Variants in PIEZO2 observed in about 807,000 individuals in gnomAD.
PIEZO2 encodes piezo-type mechanosensitive ion channel component 2.
PIEZO2 carries 172 observed loss-of-function variants against 337.3 expected under a neutral mutation model. The observed-to-expected ratio is 0.51, with a 90% confidence interval of 0.45 to 0.58. The LOEUF (loss-of-function observed/expected upper bound fraction) is 0.58, where lower values mean the gene tolerates loss of function less well. Ranked by LOEUF, PIEZO2 falls within the 20% of genes least tolerant of loss-of-function variation. The pLI, the probability that PIEZO2 is intolerant of heterozygous loss-of-function variation, is 0.00. For synonymous variants in PIEZO2, 1,251 were observed against 1,228.5 expected (o/e 1.02, Z -0.38); for missense variants, 3,028 against 3,391.3 (o/e 0.89, Z 2.66).
At position 10,705,476 on chromosome 18, in the gene PIEZO2, C is replaced by G; in HGVS notation, c.5859G>C (p.Leu1953=). 6.5e-7 allele frequency: 1 copy of G among 1,537,276 alleles called. No individual in the cohort carries two copies. The highest frequency in any genetic ancestry group is 8.7e-7 in the Non-Finnish European group (1 of 1,146,922). The part of the protein sequence containing the change: ...SYSKAVSFEH[L]SFGSQDDSAG... ...CAGAGTCGTCCTGCGAGCCGAAGGA[C>G]AGATGCTCGAAGCTCACAGCCTTGC... is the stretch of plus-strand genomic sequence containing the variant. The change falls in exon 41 of 56, where the codon CTG becomes CTC. Residue 1953 remains leucine, a synonymous_variant. Coordinates refer to ENST00000674853, the MANE Select transcript of PIEZO2 (RefSeq NM_001378183.1).
intron 2 of PIEZO2, among the ~76,000 whole-genome samples, chr18:10,983,876 G>T (rs2034767669): frequency 6.6e-6 from 1 of 152,172 alleles, no homozygotes; most frequent in Non-Finnish European, 1.5e-5. Context: ...GTACTTCAGG[G>T]CATTGCCTTA....
intron 7 of PIEZO2, among the ~76,000 whole-genome samples, chr18:10,831,792 C>T (rs1355032586): frequency 2.6e-5 from 4 of 152,048 alleles, no homozygotes; most frequent in African/African-American, 9.7e-5. Flanking sequence ...ACTATGTACC[C>T]ACAAAAATTA....
chr18:10,805,036 G>T (rs938530590), intron 8 of PIEZO2, among the ~76,000 whole-genome samples: 2 of 152,138 alleles, frequency 1.3e-5, no homozygotes, highest in East Asian at 1.9e-4. Context: ...TGCTACCTTT[G>T]CTTGCCAGAC....
Position 11,104,215 on chromosome 18 carries a change from C to T in PIEZO2, c.65-37993G>A, listed in dbSNP as rs982377162. On this transcript the variant is annotated intron_variant, in intron 1 of 55. Transcript: ENST00000674853. This position sits in a 1 kb window ranked among gnomAD's most constrained non-coding sequence, Gnocchi z 4.6. ...CACCAGGAGAATGGTCTATGTAACA[C>T]TTGGAGCCCAGAATTTGGAGGCTTT... 6.6e-6 allele frequency among the ~76,000 whole-genome samples: 1 copy of T among 152,152 alleles called. No homozygotes were observed. The highest frequency in any genetic ancestry group is 1.5e-5 in the Non-Finnish European group (1 of 68,034).
chr18:11,137,046 C>T (rs192207253), intron 1 of PIEZO2, among the ~76,000 whole-genome samples: 10 of 152,260 alleles, frequency 6.6e-5, no homozygotes, highest in African/African-American at 1.4e-4. Flanking sequence ...AAAGCCAATT[C>T]GAATCTAAAC....
intron 43 of PIEZO2, among the ~76,000 whole-genome samples, chr18:10,701,648 C>T (rs111298512): frequency 0.012 from 1,809 of 152,238 alleles, 43 homozygotes; most frequent in African/African-American, 0.04. Context: ...TTAGTGTATC[C>T]GGCCTTAGAA....
rs2039524531 is a variant in PIEZO2, at chr18:11,105,159, A to T, written c.65-38937T>A. On this transcript the variant is annotated intron_variant, in intron 1 of 55. Coordinates refer to ENST00000674853, the MANE Select transcript of PIEZO2 (RefSeq NM_001378183.1). The surrounding 1 kb of genome is among the most constrained non-coding windows in gnomAD (Gnocchi z 4.3). ...GGTTTGGGTCCCAGGCCTTGCCATG[A>T]TGGAGGAAGTATCAATAAATCGCCC... Among the ~76,000 whole-genome samples the T allele has an allele frequency of 6.6e-6, 1 of 152,178 alleles. No individual in the cohort carries two copies. Among genetic ancestry groups the T allele is most frequent in the African/African-American group, 2.4e-5 (1 of 41,442 alleles).
At chr18:10,693,971 C>G (rs1027060602) in intron 47 of PIEZO2, among the ~76,000 whole-genome samples, 13 of 152,022 alleles carry the variant, frequency 8.6e-5, no homozygotes, top group African/African-American at 2.4e-5. Flanking sequence ...CAAGCAGTGG[C>G]GTTCATCTGA....
chr18:10,753,672 C>T (rs562691774), intron 27 of PIEZO2, among the ~76,000 whole-genome samples: 3 of 152,126 alleles, frequency 2.0e-5, no homozygotes, highest in Admixed American at 2.0e-4. Context: ...TGGATTAATT[C>T]TTTGATTAAT....
chr18:10,839,561 T>A (rs1383840163), intron 7 of PIEZO2, among the ~76,000 whole-genome samples: 1 of 152,160 alleles, frequency 6.6e-6, no homozygotes, highest in East Asian at 1.9e-4. Flanking sequence ...CCAGACCACT[T>A]CATGTGCTGG....
At position 10,846,114 on chromosome 18, in the gene PIEZO2, T is replaced by C. The variant is rs1445785663; in HGVS notation, c.917+9239A>G. Among the ~76,000 whole-genome samples, 1 of 152,192 alleles carries C rather than the reference T, an allele frequency of 6.6e-6. No individual in the cohort carries two copies. Among genetic ancestry groups the C allele is most frequent in the Non-Finnish European group, 1.5e-5 (1 of 68,034 alleles). On this transcript the variant is annotated intron_variant, in intron 7 of 55. Transcript: ENST00000674853. The surrounding 1 kb of genome is among the most constrained non-coding windows in gnomAD (Gnocchi z 4.1). Reference sequence around the variant, plus strand: ...TTAGTATATTAGTCCATTGTCACACTGCTGAAAGTGACATACCCAAGACTT... The same window carrying C: ...TTAGTATATTAGTCCATTGTCACACCGCTGAAAGTGACATACCCAAGACTT...
chr18:10,711,832 G>A (rs2035832527), intron 39 of PIEZO2, among the ~76,000 whole-genome samples: 1 of 152,224 alleles, frequency 6.6e-6, no homozygotes, highest in Non-Finnish European at 1.5e-5. Context: ...TTTTGGTTAA[G>A]TTCACTAGAG....
intron 7 of PIEZO2, among the ~76,000 whole-genome samples, chr18:10,809,588 T>A (rs1206407624): frequency 6.6e-6 from 1 of 152,028 alleles, no homozygotes; most frequent in Non-Finnish European, 1.5e-5. Flanking sequence ...TCTTTTTTTT[T>A]TTCTAAAGAA....
chr18:10,935,536 G>A (rs1434513840), intron 3 of PIEZO2, among the ~76,000 whole-genome samples: 4 of 152,224 alleles, frequency 2.6e-5, no homozygotes, highest in African/African-American at 9.6e-5. Flanking sequence ...ATTCAGTGCA[G>A]AGGTGAAAGG....
At chr18:10,681,781 A>C in intron 50 of PIEZO2, 28 bp from the exon 51 acceptor site, 1 of 1,528,806 alleles carries the variant, frequency 6.5e-7, no homozygotes, top group Non-Finnish European at 9.1e-7. Flanking sequence ...CAGTGTTGTC[A>C]ATATTCCCCA....
intron 34 of PIEZO2, among the ~76,000 whole-genome samples, chr18:10,735,651 A>G (rs1239300932): frequency 6.6e-6 from 1 of 152,228 alleles, no homozygotes; most frequent in African/African-American, 2.4e-5. Flanking sequence ...AGCTGCAAAC[A>G]TGCACAAAAA....
intron 3 of PIEZO2, among the ~76,000 whole-genome samples, chr18:10,921,671 G>C (rs1443377395): frequency 2.0e-5 from 3 of 152,178 alleles, no homozygotes; most frequent in Admixed American, 6.5e-5. Flanking sequence ...CAGGGAATGA[G>C]AGAGATCACC....
chr18:10,801,138 C>A (rs1054231025), intron 10 of PIEZO2, among the ~76,000 whole-genome samples: 1 of 152,212 alleles, frequency 6.6e-6, no homozygotes, highest in Non-Finnish European at 1.5e-5. Flanking sequence ...TTCCTACTTA[C>A]GAATTAGGCA....
chr18:10,691,157 G>C, intron 48 of PIEZO2, 68 bp downstream of exon 48: 5 of 1,518,172 alleles, frequency 3.3e-6, no homozygotes, highest in Non-Finnish European at 1.8e-6. Context: ...TTCCCAGTTG[G>C]GAATCAAAAT....
Sources: gnomAD v4.1 joint callset for allele counts (sites outside exome capture counted in the v4.1 genomes callset) on GRCh38, gnomAD v4.1.1 for gene constraint, Gnocchi (gnomAD v3.1) non-coding constraint, MANE v1.5 for transcripts, NCBI Gene and HGNC (gene_info 2026-07-23, HGNC 2026-07-21) for gene names.